Variants in BSDC1 observed in about 807,000 individuals in gnomAD.
BSDC1 encodes the protein BSD domain-containing protein 1.
BSDC1 carries 29 observed loss-of-function variants against 56.0 expected under a neutral mutation model. The observed-to-expected ratio is 0.52, with a 90% confidence interval of 0.39 to 0.71. The LOEUF (loss-of-function observed/expected upper bound fraction) is 0.71, where lower values mean the gene tolerates loss of function less well. Ranked by LOEUF, BSDC1 falls within the 30% of genes least tolerant of loss-of-function variation. The pLI is 0.00. For missense variants in BSDC1, 477 were observed against 548.5 expected (o/e 0.87, Z 1.30); for synonymous variants, 210 against 215.3 (o/e 0.98, Z 0.21).
chr1:32,377,889 C>A, intron 8 of BSDC1, 81 bp downstream of exon 8: 1 of 1,392,492 alleles, frequency 7.2e-7, no homozygotes, highest in South Asian at 1.4e-5. Flanking sequence ...CCAAGTCTCT[C>A]CAGGCTTCAG....
chr1:32,391,844 G>A (rs1299884615), intron 2 of BSDC1, among the ~76,000 whole-genome samples: 2 of 152,100 alleles, frequency 1.3e-5, no homozygotes, highest in African/African-American at 2.4e-5. Context: ...AACTGGGGGT[G>A]GTATCTAAGA....
intron 4 of BSDC1, among the ~76,000 whole-genome samples, chr1:32,382,438 T>C (rs1458624884): frequency 6.7e-6 from 1 of 150,282 alleles, no homozygotes; most frequent in Non-Finnish European, 1.5e-5. Context: ...CACTCCAGCC[T>C]GGGGGACAGA....
At chr1:32,366,983 G>A in intron 10 of BSDC1, 1 of 1,085,670 alleles carries the variant, frequency 9.2e-7, no homozygotes, top group Non-Finnish European at 1.1e-6. Flanking sequence ...CTCCTGCTGA[G>A]CAGATAATGC....
chr1:32,369,426 T>G, intron 9 of BSDC1: 1 of 533,954 alleles, frequency 1.9e-6, no homozygotes, highest in Non-Finnish European at 3.0e-6. Context: ...TGGTGATCAC[T>G]TGAGCCCAGG....
At chr1:32,368,032 C>CTTT (rs74259836) in intron 10 of BSDC1, 39 of 1,026,022 alleles carry the variant, frequency 3.8e-5, no homozygotes, top group Admixed American at 2.1e-4. Context: ...TTCTTTTTTC[C>CTTT]TTTTTTTTTT....
chr1:32,366,905 C>T (rs1641874957), intron 10 of BSDC1: 1 of 1,231,142 alleles, frequency 8.1e-7, no homozygotes. Flanking sequence ...CCAACCAACA[C>T]CAGACACCAC....
At chr1:32,384,720 A>G (rs1263686604) in intron 3 of BSDC1, among the ~76,000 whole-genome samples, 1 of 152,186 alleles carries the variant, frequency 6.6e-6, no homozygotes, top group Admixed American at 6.5e-5. Context: ...GCAGACAGGG[A>G]TAGGGTGCTG....
At chr1:32,386,192 G>A (rs183255254) in intron 3 of BSDC1, among the ~76,000 whole-genome samples, 5 of 151,854 alleles carry the variant, frequency 3.3e-5, no homozygotes, top group Admixed American at 6.6e-5. Context: ...GGTGGCGGGC[G>A]CCTGTAGCCC....
chr1:32,375,044 C>T (rs1030541871), intron 9 of BSDC1, among the ~76,000 whole-genome samples: 1 of 151,916 alleles, frequency 6.6e-6, no homozygotes, highest in Non-Finnish European at 1.5e-5. Flanking sequence ...CCCAGCTACT[C>T]GGGAGGCTGA....
chr1:32,388,245 A>G (rs1642739602), intron 2 of BSDC1, among the ~76,000 whole-genome samples: 1 of 152,132 alleles, frequency 6.6e-6, no homozygotes, highest in South Asian at 2.1e-4. Flanking sequence ...TTAGCTTGGG[A>G]AGTTTCTGAA....
chr1:32,390,732 G>A (rs905264179), intron 2 of BSDC1, among the ~76,000 whole-genome samples: 20 of 152,124 alleles, frequency 1.3e-4, no homozygotes, highest in African/African-American at 4.3e-4. Flanking sequence ...GCAACATGGC[G>A]AGATCTCATC....
intron 10 of BSDC1, chr1:32,367,245 T>C (rs1306774869): frequency 9.1e-6 from 9 of 985,350 alleles, no homozygotes; most frequent in African/African-American, 1.7e-5. Context: ...GTTCCTACTC[T>C]TGGCCTGCTG....
Position 32,386,828 on chromosome 1 carries a change from G to A in BSDC1, c.140C>T (p.Thr47Met), listed in dbSNP as rs144911896. The change falls in exon 3 of 11, where the codon ACG becomes ATG. Residue 47 changes from threonine (T) to methionine (M), a missense_variant. By Grantham distance (81) the Thr-to-Met change is moderately conservative. Transcript: ENST00000455895. ...TEFTQVVQHDTACTIAATASV... is the reference protein window; with the variant it reads ...TEFTQVVQHDMACTIAATASV... ...GGCCGTGGCTGCGATGGTACAGGCC[G>A]TGTCATGCTGCACCACCTGGGTAAA... 9.8e-5 allele frequency: 158 copies of A among 1,612,396 alleles called. No homozygotes were observed. Among genetic ancestry groups the A allele is most frequent in the Non-Finnish European group, 1.2e-4 (146 of 1,180,042 alleles).
intron 2 of BSDC1, among the ~76,000 whole-genome samples, chr1:32,391,343 T>C (rs1245048085): frequency 1.3e-5 from 2 of 152,042 alleles, no homozygotes; most frequent in African/African-American, 4.8e-5. Flanking sequence ...CACCTGAAGT[T>C]TCAAAAAGTA....
At chr1:32,392,248 C>G (rs1322735703) in intron 2 of BSDC1, among the ~76,000 whole-genome samples, 2 of 152,194 alleles carry the variant, frequency 1.3e-5, no homozygotes, top group Non-Finnish European at 2.9e-5. Context: ...AGGAGAATCA[C>G]TTGAACTCAG....
chr1:32,384,054 G>A (rs1015164725), intron 3 of BSDC1, 57 bp from the exon 4 acceptor site: 46 of 1,610,706 alleles, frequency 2.9e-5, no homozygotes, highest in Non-Finnish European at 3.8e-5. Context: ...GCAATCTGGG[G>A]TATGGGGGTA....
At chr1:32,377,161 G>A (rs1642322170) in intron 8 of BSDC1, among the ~76,000 whole-genome samples, 1 of 151,948 alleles carries the variant, frequency 6.6e-6, no homozygotes, top group African/African-American at 2.4e-5. Context: ...AGACTCAATA[G>A]TGTCATTCAG....
At chr1:32,389,815 T>C (rs1209593372) in intron 2 of BSDC1, among the ~76,000 whole-genome samples, 1 of 146,296 alleles carries the variant, frequency 6.8e-6, no homozygotes, top group Non-Finnish European at 1.5e-5. Context: ...CACACACAAA[T>C]ACAAAAAATT....
At chr1:32,368,313 A>G (rs1641926755) in intron 10 of BSDC1, 134 bp downstream of exon 10, 1 of 1,607,750 alleles carries the variant, frequency 6.2e-7, no homozygotes, top group African/African-American at 1.3e-5. Context: ...AGGAAGCTCC[A>G]GCTCCTTTCC....
Sources: allele counts gnomAD v4.1 joint callset (sites outside exome capture counted in the v4.1 genomes callset), GRCh38; gene constraint gnomAD v4.1.1; transcripts MANE v1.5; gene names NCBI Gene and HGNC (gene_info 2026-07-23, HGNC 2026-07-21).